The following EYA4 variants were observed in gnomAD, a reference collection of about 807,000 sequenced individuals.
EYA4 encodes protein phosphatase EYA4.
EYA4 carries 31 observed loss-of-function variants against 87.9 expected under a neutral mutation model. The observed-to-expected ratio is 0.35, with a 90% confidence interval of 0.27 to 0.48. The LOEUF (loss-of-function observed/expected upper bound fraction) is 0.48. EYA4 is among the 20% of genes least tolerant of loss of function. The pLI is 0.99. For missense variants in EYA4, 678 were observed against 761.4 expected (o/e 0.89, Z 1.29); for synonymous variants, 263 against 270.6 (o/e 0.97, Z 0.28).
Position 133,468,579 on chromosome 6 carries a change from A to G in EYA4, c.818A>G (p.Tyr273Cys), listed in dbSNP as rs1173112352. ...FSGSQQDYPS[Y>C]TAFGQNQYAQ... ...TTATTGTTTCAGGATTATCCATCCT[A>G]TACAGCCTTTGGCCAAAACCAGTAT... is the stretch of plus-strand genomic sequence containing the variant. The change falls in exon 11 of 20, where the codon TAT (tyrosine) becomes TGT (cysteine). Residue 273 changes from tyrosine (Y) to cysteine (C), a missense_variant. Coordinates refer to ENST00000355286, the MANE Select transcript of EYA4 (RefSeq NM_004100.5). 6.8e-6 allele frequency: 11 copies of G among 1,610,966 alleles called. No homozygotes were observed. Among genetic ancestry groups the G allele is most frequent in the Non-Finnish European group, 9.3e-6 (11 of 1,177,472 alleles).
intron 2 of EYA4, among the ~76,000 whole-genome samples, chr6:133,319,876 C>T (rs564692666): frequency 6.6e-6 from 1 of 152,070 alleles, no homozygotes; most frequent in Non-Finnish European, 1.5e-5. Context: ...GCCACCATGC[C>T]TAGCTAATTT....
intron 2 of EYA4, among the ~76,000 whole-genome samples, chr6:133,372,899 G>A (rs1785385565): frequency 6.6e-6 from 1 of 151,616 alleles, no homozygotes; most frequent in African/African-American, 2.4e-5. Context: ...TGATACTATT[G>A]GGCACATTAG....
chr6:133,300,640 G>A (rs1779333065), intron 2 of EYA4, among the ~76,000 whole-genome samples: 2 of 151,974 alleles, frequency 1.3e-5, no homozygotes, highest in Non-Finnish European at 2.9e-5. Context: ...TCAGCCTCCC[G>A]AGTTGGTGGG....
intron 2 of EYA4, among the ~76,000 whole-genome samples, chr6:133,332,550 T>A (rs1219850907): frequency 6.6e-6 from 1 of 152,092 alleles, no homozygotes. Context: ...GCTTTCTTTT[T>A]TTTTGAGACC....
chr6:133,497,371 T>G (rs183560586), intron 13 of EYA4, among the ~76,000 whole-genome samples: 2 of 152,326 alleles, frequency 1.3e-5, no homozygotes, highest in Non-Finnish European at 2.9e-5. Flanking sequence ...ATTTATAAAT[T>G]AAATTATGTG....
At chr6:133,485,304 C>A (rs1239964118) in intron 13 of EYA4, among the ~76,000 whole-genome samples, 1 of 151,876 alleles carries the variant, frequency 6.6e-6, no homozygotes, top group Non-Finnish European at 1.5e-5. Flanking sequence ...AAGGTTAAAA[C>A]CAAAAGAAGG....
At chr6:133,328,040 T>C (rs774056458) in intron 2 of EYA4, among the ~76,000 whole-genome samples, 7 of 152,094 alleles carry the variant, frequency 4.6e-5, no homozygotes, top group Admixed American at 4.6e-4. Flanking sequence ...TAAGTTAGAG[T>C]CTTTGGGAAA....
chr6:133,317,957 G>A (rs560162290), intron 2 of EYA4, among the ~76,000 whole-genome samples: 7 of 150,346 alleles, frequency 4.7e-5, no homozygotes, highest in African/African-American at 1.7e-4. Flanking sequence ...TCCTCCTTCC[G>A]TTGATCCATC....
rs78870159 is a variant in EYA4, at chr6:133,321,449, C to T, written c.33+46636C>T. ...TTCAGCAGCTTTAAATTTCCTTTCT[C>T]ATGTTTTAAATTTATAATGCTTTTA... On this transcript the variant is annotated intron_variant, in intron 2 of 19. Coordinates refer to ENST00000355286, the MANE Select transcript of EYA4 (RefSeq NM_004100.5). 6.1e-3 allele frequency among the ~76,000 whole-genome samples: 924 copies of T among 152,234 alleles called. 4 individuals carry two copies. Among genetic ancestry groups the T allele is most frequent in the African/African-American group, 0.02 (836 of 41,526 alleles).
At chr6:133,412,360 C>A (rs1789316438) in intron 3 of EYA4, among the ~76,000 whole-genome samples, 1 of 152,032 alleles carries the variant, frequency 6.6e-6, no homozygotes, top group Admixed American at 6.6e-5. Flanking sequence ...CTGGATACAC[C>A]CATGTAATCC....
At chr6:133,319,716 T>TTTC (rs1229355570) in intron 2 of EYA4, among the ~76,000 whole-genome samples, 1 of 127,636 alleles carries the variant, frequency 7.8e-6, no homozygotes, top group Non-Finnish European at 1.8e-5. Context: ...TTTCTTTTCT[T>TTTC]TTCTTCTTTT....
chr6:133,356,791 G>GTGTA (rs1283165682), intron 2 of EYA4, among the ~76,000 whole-genome samples: 68 of 112,936 alleles, frequency 6.0e-4, no homozygotes, highest in African/African-American at 1.9e-3. Context: ...GTGTGTGTGT[G>GTGTA]TATATATATA....
At chr6:133,336,095 TAGAA>T (rs1782344145) in intron 2 of EYA4, among the ~76,000 whole-genome samples, 3 of 152,046 alleles carry the variant, frequency 2.0e-5, no homozygotes, top group Non-Finnish European at 2.9e-5. Flanking sequence ...CTATTATAAA[TAGAA>T]AGAATGATGG....
chr6:133,456,674 T>TA (rs1793935672), intron 6 of EYA4, 26 bp downstream of exon 6: 2 of 1,395,038 alleles, frequency 1.4e-6, no homozygotes, highest in Admixed American at 3.3e-5. Context: ...CGTGTGTCCT[T>TA]ACGTACACAT....
At position 133,528,996 on chromosome 6, in the gene EYA4, C is replaced by G. The variant is rs1800848227; in HGVS notation, c.*191C>G. 5 of 1,418,108 alleles carry G rather than the reference C, an allele frequency of 3.5e-6. No individual in the cohort carries two copies. The African/African-American group carries it at 7.2e-5, about 20-fold the overall frequency. The allele number at this position is 1,418,108 out of a possible 1,614,324, so 87.8% of individuals were successfully genotyped here. On this transcript the variant is annotated 3_prime_UTR_variant, in exon 20 of 20. Transcript: ENST00000355286. ...ACTTTAGTGCTACAGAAAAGAAACTCTATGGTCTTATATTTACAACACTTT... is the reference window on the plus strand; with the variant it reads ...ACTTTAGTGCTACAGAAAAGAAACTGTATGGTCTTATATTTACAACACTTT...
chr6:133,409,019 A>G (rs1788978826), intron 3 of EYA4, among the ~76,000 whole-genome samples: 1 of 152,146 alleles, frequency 6.6e-6, no homozygotes, highest in African/African-American at 2.4e-5. Context: ...TTATGAGTGA[A>G]ATGAAGTTAG....
chr6:133,486,412 T>C (rs1796688301), intron 13 of EYA4, among the ~76,000 whole-genome samples: 1 of 152,140 alleles, frequency 6.6e-6, no homozygotes, highest in South Asian at 2.1e-4. Context: ...GTTGGGTAGC[T>C]TCAGCTTCAC....
At chr6:133,480,449 C>T (rs1198609876) in intron 11 of EYA4, among the ~76,000 whole-genome samples, 1 of 152,136 alleles carries the variant, frequency 6.6e-6, no homozygotes, top group Non-Finnish European at 1.5e-5. Context: ...GATATGCCGT[C>T]CAGTGCTGCA....
chr6:133,378,471 G>A (rs567473411), intron 2 of EYA4, among the ~76,000 whole-genome samples: 2 of 152,110 alleles, frequency 1.3e-5, no homozygotes, highest in Admixed American at 1.3e-4. Context: ...TAAATATTAA[G>A]ACGTTTTGAT....
Sources: gnomAD v4.1 joint callset for allele counts (sites outside exome capture counted in the v4.1 genomes callset) on GRCh38, gnomAD v4.1.1 for gene constraint, MANE v1.5 for transcripts, NCBI Gene and HGNC (gene_info 2026-07-23, HGNC 2026-07-21) for gene names.